Variants in ADGRL2 observed in about 807,000 individuals in gnomAD.
ADGRL2 encodes adhesion G protein-coupled receptor L2, also known as calcium-independent alpha-latrotoxin receptor 2.
Under a neutral mutation model 157.4 loss-of-function variants are expected in ADGRL2, and 44 were observed. That is an observed-to-expected ratio of 0.28 (90% CI 0.22 to 0.36). The LOEUF (loss-of-function observed/expected upper bound fraction) is 0.36, where lower values mean the gene tolerates loss of function less well. Ranked by LOEUF, ADGRL2 falls within the 10% of genes least tolerant of loss-of-function variation. The pLI is 1.00. For missense variants in ADGRL2, 1,510 were observed against 1,768.9 expected (o/e 0.85, Z 2.63); for synonymous variants, 585 against 624.7 (o/e 0.94, Z 0.95).
At position 81,966,434 on chromosome 1, in the gene ADGRL2, G is replaced by T. The variant is rs538105960; in HGVS notation, c.2174G>T (p.Arg725Leu). Reference protein sequence around the residue: ...GLAKLVFIIYRSLGQFLSTEN... With the variant: ...GLAKLVFIIYLSLGQFLSTEN... The stretch of plus-strand genomic sequence containing the variant: ...GCAAAGTTGGTGTTCATCATTTACC[G>T]GAGCCTGGGACAGTTCCTTAGTACA... The change falls in exon 13 of 24, where the codon CGG becomes CTG. Residue 725 changes from arginine to leucine, a missense_variant. Coordinates refer to ENST00000686636, the MANE Select transcript of ADGRL2 (RefSeq NM_001366006.2). The T allele has an allele frequency of 6.2e-7, 1 of 1,613,780 alleles. No homozygotes were observed.
intron 2 of ADGRL2, among the ~76,000 whole-genome samples, chr1:81,470,052 A>T (rs761298534): frequency 3.7e-4 from 57 of 152,168 alleles, no homozygotes; most frequent in Non-Finnish European, 1.5e-4. Context: ...GAGTTCCTGG[A>T]ATTGCTTTAG....
chr1:81,441,509 GTTTGTTTGTTTTTGGGTTTT>G (rs1434703660), intron 1 of ADGRL2, among the ~76,000 whole-genome samples: 1 of 152,020 alleles, frequency 6.6e-6, no homozygotes, highest in Non-Finnish European at 1.5e-5. Flanking sequence ...ATTTTTGTTT[GTTTGTTTGTTTTTGGGTTTT>G]TTTGTTTGTT....
At chr1:81,526,980 A>C (rs2079473908) in intron 2 of ADGRL2, among the ~76,000 whole-genome samples, 1 of 152,226 alleles carries the variant, frequency 6.6e-6, no homozygotes, top group Admixed American at 6.5e-5. Flanking sequence ...TTCTCTGGCT[A>C]TCAGGTTAAT....
intron 1 of ADGRL2, among the ~76,000 whole-genome samples, chr1:81,323,793 T>C (rs1269872326): frequency 6.6e-6 from 1 of 152,204 alleles, no homozygotes; most frequent in Non-Finnish European, 1.5e-5. Flanking sequence ...AGAGTGGTCA[T>C]TCCAAGCAAT....
intron 3 of ADGRL2, among the ~76,000 whole-genome samples, chr1:81,638,246 G>C (rs954674440): frequency 3.9e-5 from 6 of 152,104 alleles, no homozygotes; most frequent in African/African-American, 1.4e-4. Flanking sequence ...ATAATAGAAG[G>C]AAATTGTTAC....
At chr1:81,739,849 C>T (rs566299140) in intron 1 of ADGRL2, among the ~76,000 whole-genome samples, 2 of 152,332 alleles carry the variant, frequency 1.3e-5, no homozygotes, top group African/African-American at 4.8e-5. Flanking sequence ...TGCCTAGGTC[C>T]TTCCCACTAA....
At chr1:81,934,117 C>T (rs139744534) in intron 3 of ADGRL2, among the ~76,000 whole-genome samples, 4 of 152,052 alleles carry the variant, frequency 2.6e-5, no homozygotes, top group East Asian at 1.9e-4. Flanking sequence ...AGAATTAATA[C>T]GTTTTGCTGT....
intron 3 of ADGRL2, among the ~76,000 whole-genome samples, chr1:81,592,851 A>T (rs943143612): frequency 1.6e-4 from 24 of 152,010 alleles, no homozygotes; most frequent in African/African-American, 5.6e-4. Context: ...TTATATCAGT[A>T]AAGTATTGGC....
intron 3 of ADGRL2, among the ~76,000 whole-genome samples, chr1:81,591,310 C>T (rs534627149): frequency 6.6e-6 from 1 of 152,132 alleles, no homozygotes; most frequent in Non-Finnish European, 1.5e-5. Context: ...CAGGGTACTA[C>T]TCCTTTTTTT....
chr1:81,882,646 GTAGA>G (rs1439123677), intron 2 of ADGRL2, among the ~76,000 whole-genome samples: 2 of 152,068 alleles, frequency 1.3e-5, no homozygotes, highest in Non-Finnish European at 2.9e-5. Flanking sequence ...ACCAGTTCTG[GTAGA>G]TAATTAAGAC....
At chr1:81,399,403 TC>T (rs1165775945) in intron 1 of ADGRL2, among the ~76,000 whole-genome samples, 2 of 152,208 alleles carry the variant, frequency 1.3e-5, no homozygotes, top group Non-Finnish European at 2.9e-5. Context: ...CTTCTAGAAG[TC>T]CATAATACTA....
chr1:81,866,220 G>A lies in ADGRL2; in HGVS notation c.73+29163G>A, dbSNP rs192578535. 7.3e-5 allele frequency among the ~76,000 whole-genome samples: 11 copies of A among 151,694 alleles called. No homozygotes were observed. The South Asian group carries it at 1.7e-3, about 23-fold the overall frequency. On this transcript the variant is annotated intron_variant, in intron 2 of 23. Coordinates refer to ENST00000686636, the MANE Select transcript of ADGRL2 (RefSeq NM_001366006.2). The stretch of plus-strand genomic sequence containing the variant: ...GGCTTGTCATATCACTGACTTTTTC[G>A]CATCCTTTAGGCCTTGGTTCTAATT...
chr1:81,815,484 C>T (rs1013096598), intron 1 of ADGRL2, among the ~76,000 whole-genome samples: 8 of 151,792 alleles, frequency 5.3e-5, no homozygotes, highest in Admixed American at 4.6e-4. Context: ...CTGTAGGATT[C>T]AGATAACAGC....
At chr1:81,823,126 G>GTT (rs546729662) in intron 1 of ADGRL2, among the ~76,000 whole-genome samples, 8 of 144,764 alleles carry the variant, frequency 5.5e-5, no homozygotes, top group South Asian at 2.2e-4. Flanking sequence ...TTAGTTCCCA[G>GTT]TTTTTTTTTT....
chr1:81,731,019 A>G (rs1177864915), intron 1 of ADGRL2, among the ~76,000 whole-genome samples: 1 of 152,128 alleles, frequency 6.6e-6, no homozygotes, highest in Admixed American at 6.6e-5. Flanking sequence ...GCAGTAAAAT[A>G]GTTTATTTAT....
intron 2 of ADGRL2, chr1:81,557,488 A>C (rs1487031671): frequency 9.6e-6 from 1 of 103,960 alleles, no homozygotes; most frequent in East Asian, 3.4e-4. Flanking sequence ...GAAAGAAGAA[A>C]GAAAGAAAGA....
At chr1:81,558,158 T>C (rs1176464799) in intron 2 of ADGRL2, among the ~76,000 whole-genome samples, 1 of 152,138 alleles carries the variant, frequency 6.6e-6, no homozygotes, top group Non-Finnish European at 1.5e-5. Flanking sequence ...GTCTTCCATG[T>C]GCAAAGTAGA....
chr1:81,425,038 G>T lies in ADGRL2; in HGVS notation c.-301-19998G>T, dbSNP rs2101573396. Among the ~76,000 whole-genome samples the T allele has an allele frequency of 1.3e-5, 2 of 152,314 alleles. 1 individual carries two copies. The highest frequency in any genetic ancestry group is 4.1e-4 in the South Asian group (2 of 4,822). Reference sequence around the variant, plus strand: ...CTAATACTCTGTTTCTGGGAATTCAGCTGTCAGAATATGATGGATTCATCA... The same window carrying T: ...CTAATACTCTGTTTCTGGGAATTCATCTGTCAGAATATGATGGATTCATCA... On this transcript the variant is annotated intron_variant, in intron 1 of 24. Coordinates refer to the ADGRL2 transcript ENST00000370721.
chr1:81,351,572 A>G (rs1662892623), intron 1 of ADGRL2, among the ~76,000 whole-genome samples: 1 of 150,862 alleles, frequency 6.6e-6, no homozygotes. Context: ...TGGCAAATGC[A>G]CAAAGAAAAA....
Sources: gnomAD v4.1 joint callset for allele counts (sites outside exome capture counted in the v4.1 genomes callset) on GRCh38, gnomAD v4.1.1 for gene constraint, MANE v1.5 for transcripts, NCBI Gene and HGNC (gene_info 2026-07-23, HGNC 2026-07-21) for gene names.